ITPR1: variants seen among roughly 807,000 people sequenced by gnomAD.
ITPR1 encodes inositol 1,4,5-trisphosphate-gated calcium channel ITPR1.
Under a neutral mutation model 318.4 loss-of-function variants are expected in ITPR1, and 96 were observed. The ratio of observed to expected loss-of-function variants is 0.30; its 90% confidence interval spans 0.26 to 0.36. The LOEUF (loss-of-function observed/expected upper bound fraction) is 0.36. ITPR1 is among the 10% of genes least tolerant of loss of function. ITPR1 has a pLI of 1.00. For missense variants in ITPR1, 2,440 were observed against 3,460.2 expected (o/e 0.71, Z 7.40); for synonymous variants, 1,312 against 1,289.9 (o/e 1.02, Z -0.37).
At chr3:4,654,089 T>C (rs1009712684) in intron 12 of ITPR1, among the ~76,000 whole-genome samples, 1 of 152,258 alleles carries the variant, frequency 6.6e-6, no homozygotes, top group South Asian at 2.1e-4. Context: ...GGGACTGTTG[T>C]TGATGATGGT....
chr3:4,530,086 C>T (rs1195331262), intron 4 of ITPR1, among the ~76,000 whole-genome samples: 2 of 152,208 alleles, frequency 1.3e-5, no homozygotes, highest in East Asian at 3.9e-4. Context: ...ACTTCCTCCT[C>T]TGCAACCCCA....
chr3:4,547,272 A>G (rs2085114851), intron 4 of ITPR1, among the ~76,000 whole-genome samples: 1 of 152,228 alleles, frequency 6.6e-6, no homozygotes, highest in South Asian at 2.1e-4. Flanking sequence ...ACATAGATTT[A>G]TCACTTACAT....
chr3:4,729,737 A>G (rs1418430901), intron 42 of ITPR1, among the ~76,000 whole-genome samples: 1 of 152,228 alleles, frequency 6.6e-6, no homozygotes, highest in African/African-American at 2.4e-5. Flanking sequence ...TTAATGTGAC[A>G]CTTATTACAA....
At chr3:4,738,065 G>T (rs535859865) in intron 44 of ITPR1, among the ~76,000 whole-genome samples, 23 of 152,336 alleles carry the variant, frequency 1.5e-4, no homozygotes, top group African/African-American at 4.6e-4. Context: ...TTTTCGGAAG[G>T]TGGAGGTCGG....
intron 44 of ITPR1, among the ~76,000 whole-genome samples, chr3:4,760,063 G>C (rs527871814): frequency 6.6e-6 from 1 of 152,242 alleles, no homozygotes; most frequent in African/African-American, 2.4e-5. Context: ...CTTTGACTCC[G>C]GCCTCACTGC....
intron 40 of ITPR1, among the ~76,000 whole-genome samples, chr3:4,719,123 T>A (rs1184796528): frequency 6.6e-6 from 1 of 152,232 alleles, no homozygotes; most frequent in East Asian, 1.9e-4. Flanking sequence ...TGCTCACTTA[T>A]GGAAAGATTC....
intron 54 of ITPR1, among the ~76,000 whole-genome samples, chr3:4,803,940 C>T (rs543003524): frequency 6.6e-5 from 10 of 152,146 alleles, no homozygotes; most frequent in Non-Finnish European, 1.3e-4. Flanking sequence ...GGTACAATCT[C>T]GGCTCACTGC....
intron 44 of ITPR1, among the ~76,000 whole-genome samples, chr3:4,744,608 G>T (rs558763529): frequency 4.6e-4 from 70 of 152,332 alleles, no homozygotes; most frequent in Non-Finnish European, 7.6e-4. Flanking sequence ...ATGACCCTCA[G>T]CGTGTGAAAT....
rs1322954573 is a variant in ITPR1, at chr3:4,806,190, G to C, written c.7195G>C (p.Glu2399Gln). 6.8e-6 allele frequency: 11 copies of C among 1,613,830 alleles called. No individual in the cohort carries two copies. In the African/African-American group the frequency reaches 1.5e-4, roughly 22 times the overall value. The change falls in exon 55 of 62, where the codon GAG becomes CAG. Residue 2399 changes from glutamate to glutamine, a missense_variant. Physicochemically the swap from Glu to Gln is conservative, Grantham distance 29. Coordinates refer to ENST00000649015, the MANE Select transcript of ITPR1 (RefSeq NM_001378452.1). The stretch of plus-strand genomic sequence containing the variant: ...CTACCGAGCCATGGTTCTGGATGTT[G>C]AGTTCCTCTATCATTTGTTGTATCT... Reference protein sequence around the residue: ...RGYRAMVLDVEFLYHLLYLVI... With the variant: ...RGYRAMVLDVQFLYHLLYLVI...
intron 4 of ITPR1, among the ~76,000 whole-genome samples, chr3:4,532,959 G>A (rs1191126408): frequency 2.6e-5 from 4 of 152,244 alleles, no homozygotes; most frequent in African/African-American, 9.6e-5. Context: ...GGATTTTGCA[G>A]AGGGAATTTC....
chr3:4,835,503 A>G (rs2050835770), intron 60 of ITPR1, among the ~76,000 whole-genome samples: 1 of 152,160 alleles, frequency 6.6e-6, no homozygotes, highest in South Asian at 2.1e-4. Flanking sequence ...AAATATTGAC[A>G]CACAAAATGT....
At chr3:4,778,041 G>A (rs758673592) in intron 48 of ITPR1, among the ~76,000 whole-genome samples, 19 of 152,190 alleles carry the variant, frequency 1.2e-4, no homozygotes, top group Admixed American at 2.0e-4. Flanking sequence ...ACAGCTTAAC[G>A]GAATGAAAAT....
At chr3:4,799,404 G>A (rs145090226) in intron 53 of ITPR1, among the ~76,000 whole-genome samples, 79 of 152,320 alleles carry the variant, frequency 5.2e-4, no homozygotes, top group Middle Eastern at 6.8e-3. Flanking sequence ...GGCTGGGCTG[G>A]GGGGAACAGT....
At chr3:4,699,677 C>A in intron 34 of ITPR1, 136 bp from the exon 35 acceptor site, 1 of 705,510 alleles carries the variant, frequency 1.4e-6, no homozygotes, top group Non-Finnish European at 2.3e-6. Flanking sequence ...TATTATGATT[C>A]CTTAAGGGGA....
intron 55 of ITPR1, among the ~76,000 whole-genome samples, chr3:4,807,065 AAG>A (rs1235403389): frequency 6.8e-6 from 1 of 146,020 alleles, no homozygotes; most frequent in African/African-American, 2.6e-5. Flanking sequence ...TTGGCTTACA[AAG>A]AGGGGGACTT....
intron 44 of ITPR1, among the ~76,000 whole-genome samples, chr3:4,762,838 G>A (rs2045547783): frequency 6.6e-6 from 1 of 152,126 alleles, no homozygotes; most frequent in African/African-American, 2.4e-5. Flanking sequence ...CCATTGCTGG[G>A]TACATACCCA....
intron 39 of ITPR1, 63 bp from the exon 40 acceptor site, chr3:4,717,304 G>C: frequency 1.5e-6 from 2 of 1,345,492 alleles, no homozygotes; most frequent in Non-Finnish European, 2.1e-6. Context: ...CTATAAACTT[G>C]GCTGGCTTGT....
rs752651083 is a variant in ITPR1 at position 4,815,040 on chromosome 3, C to A, written c.7702-13C>A. The A allele has an allele frequency of 8.6e-5, 138 of 1,602,336 alleles. No individual in the cohort carries two copies. Among genetic ancestry groups the A allele is most frequent in the Non-Finnish European group, 1.1e-4 (132 of 1,173,104 alleles). ...AAGGGACCCAGACTGATCCAGACAC[C>A]TCTCTTTTCCAGGAACCCCTGTTTG... On this transcript the variant is annotated splice_polypyrimidine_tract_variant and intron_variant, in intron 58 of 61. Coordinates refer to ENST00000649015, the MANE Select transcript of ITPR1 (RefSeq NM_001378452.1).
intron 55 of ITPR1, among the ~76,000 whole-genome samples, chr3:4,807,065 A>AAGAGGGGGACTTACAAAG (rs1559930076): frequency 3.4e-5 from 5 of 146,018 alleles, no homozygotes; most frequent in Admixed American, 6.9e-5. Context: ...TTGGCTTACA[A>AAGAGGGGGACTTACAAAG]AGAGGGGGAC....
Sources: allele counts gnomAD v4.1 joint callset (sites outside exome capture counted in the v4.1 genomes callset), GRCh38; gene constraint gnomAD v4.1.1; transcripts MANE v1.5; gene names NCBI Gene and HGNC (gene_info 2026-07-23, HGNC 2026-07-21).